RASA2: variants seen among roughly 807,000 people sequenced by gnomAD.
The protein encoded by RASA2 is RAS p21 protein activator 2.
In RASA2, 155 loss-of-function variants were observed where a neutral mutation model predicts 118.2. The observed-to-expected ratio is 1.31, with a 90% CI of 1.15 to 1.50. The LOEUF is 1.50. Among genes scored for constraint, RASA2 ranks in the 40% most tolerant of loss-of-function variants. The pLI is 0.00. For synonymous variants in RASA2, 353 were observed against 349.1 expected (o/e 1.01, Z -0.12); for missense variants, 1,016 against 1,009.6 (o/e 1.01, Z -0.09).
intron 4 of RASA2, among the ~76,000 whole-genome samples, chr3:141,536,654 A>T (rs887219127): frequency 6.6e-6 from 1 of 152,196 alleles, no homozygotes; most frequent in Non-Finnish European, 1.5e-5. Context: ...ACATACATGA[A>T]AAGTATACTG....
rs568261777 is a variant in RASA2 at position 141,565,597 on chromosome 3, C to T, written c.864-5315C>T. Among the ~76,000 whole-genome samples, 362 of 152,294 alleles carry T rather than the reference C, an allele frequency of 2.4e-3. 3 individuals are homozygous for T. Among genetic ancestry groups the T allele is most frequent in the African/African-American group, 8.2e-3 (339 of 41,556 alleles). ...TGATGGTTTTATAAATGGGAGTTCT[C>T]CTGCACAAGCTCTCTTGCCTGCCGC... On this transcript the variant is annotated intron_variant, in intron 9 of 23. Coordinates refer to ENST00000286364, the MANE Select transcript of RASA2 (RefSeq NM_006506.5).
chr3:141,541,289 T>C (rs1053640644), intron 5 of RASA2, among the ~76,000 whole-genome samples: 29 of 152,186 alleles, frequency 1.9e-4, no homozygotes, highest in African/African-American at 7.0e-4. Flanking sequence ...GTCCACATAT[T>C]GTAAGGTCAG....
chr3:141,596,633 CGATA>C (rs1474006539), intron 19 of RASA2, among the ~76,000 whole-genome samples: 2 of 151,880 alleles, frequency 1.3e-5, no homozygotes, highest in Non-Finnish European at 2.9e-5. Flanking sequence ...AAAAAGAGGA[CGATA>C]GATATGAACA....
intron 19 of RASA2, among the ~76,000 whole-genome samples, chr3:141,604,053 AC>A (rs1469487472): frequency 8.5e-5 from 13 of 152,200 alleles, no homozygotes; most frequent in Non-Finnish European, 1.2e-4. Flanking sequence ...ACATTCATTT[AC>A]AAGTTTTTGT....
chr3:141,487,092 GGC>G lies in RASA2; in HGVS notation c.11_12del (p.Ala4GlyfsTer42). On this transcript the variant is annotated frameshift_variant, in exon 1 of 24. Coordinates refer to ENST00000286364, the MANE Select transcript of RASA2 (RefSeq NM_006506.5). LOFTEE classifies it high-confidence loss of function. Reference sequence around the variant, plus strand: ...ACGGGCCGGGCGGCACCATGGCGGCGGCGGCGCCTGCTGCTGCGGCGGCTTCT... The same window carrying G: ...ACGGGCCGGGCGGCACCATGGCGGCGGGCGCCTGCTGCTGCGGCGGCTTCT... MAA[A>X]APAAAAASSE... 1 of 1,373,538 alleles carries G rather than the reference GGC, an allele frequency of 7.3e-7. No homozygotes were observed. The highest frequency in any genetic ancestry group is 9.5e-7 in the Non-Finnish European group (1 of 1,050,350). The allele number at this position is 1,373,538 out of a possible 1,614,324, so 85.1% of individuals were successfully genotyped here.
chr3:141,582,816 G>A (rs1395026572), intron 17 of RASA2, among the ~76,000 whole-genome samples: 1 of 152,222 alleles, frequency 6.6e-6, no homozygotes, highest in Non-Finnish European at 1.5e-5. Context: ...ACTCTGCCTA[G>A]TGACATTTAC....
intron 1 of RASA2, among the ~76,000 whole-genome samples, chr3:141,494,390 C>T (rs1376031821): frequency 6.6e-6 from 1 of 152,208 alleles, no homozygotes; most frequent in African/African-American, 2.4e-5. Flanking sequence ...TTTTAATTTG[C>T]ACTTTTAAAT....
At position 141,529,112 on chromosome 3, in the gene RASA2, A is replaced by C. The variant is rs76125121; in HGVS notation, c.356-596A>C. 5.4e-4 allele frequency among the ~76,000 whole-genome samples: 82 copies of C among 152,060 alleles called. 1 individual carries two copies. Among genetic ancestry groups the C allele is most frequent in the Non-Finnish European group, 1.6e-4 (11 of 67,912 alleles). Reference sequence around the variant, plus strand: ...TGAGAGGGTTTAAACTCTTTAGAGAACTGCCTTAATTTTTGTATGTATTGG... The same window carrying C: ...TGAGAGGGTTTAAACTCTTTAGAGACCTGCCTTAATTTTTGTATGTATTGG... On this transcript the variant is annotated intron_variant, in intron 3 of 23. Coordinates refer to ENST00000286364, the MANE Select transcript of RASA2 (RefSeq NM_006506.5).
At chr3:141,514,240 T>C (rs972705401) in intron 2 of RASA2, among the ~76,000 whole-genome samples, 1 of 152,132 alleles carries the variant, frequency 6.6e-6, no homozygotes, top group Non-Finnish European at 1.5e-5. Flanking sequence ...ATTTAAAATA[T>C]GGGGAGAATA....
chr3:141,571,288 A>G (rs1327869986), intron 10 of RASA2, 118 bp from the exon 11 acceptor site: 3 of 1,422,348 alleles, frequency 2.1e-6, no homozygotes, highest in Admixed American at 4.8e-5. Context: ...TTCGAAAATT[A>G]AATGTCCTGT....
At chr3:141,566,916 T>A (rs2082828388) in intron 9 of RASA2, among the ~76,000 whole-genome samples, 1 of 152,172 alleles carries the variant, frequency 6.6e-6, no homozygotes, top group Non-Finnish European at 1.5e-5. Flanking sequence ...ACTAAGCCCA[T>A]GTGCCCTATT....
intron 1 of RASA2, 99 bp downstream of exon 1, chr3:141,487,315 G>T (rs1490709302): frequency 1.7e-6 from 2 of 1,182,846 alleles, no homozygotes; most frequent in Non-Finnish European, 2.1e-6. Flanking sequence ...GCTGCGCTGG[G>T]ATCGCGGGCC....
At chr3:141,605,433 T>A (rs974875361) in intron 19 of RASA2, among the ~76,000 whole-genome samples, 10 of 152,184 alleles carry the variant, frequency 6.6e-5, no homozygotes. Context: ...AACTGTGAAA[T>A]TAACCCTAAT....
At chr3:141,570,202 G>A (rs2082895265) in intron 9 of RASA2, among the ~76,000 whole-genome samples, 1 of 146,792 alleles carries the variant, frequency 6.8e-6, no homozygotes, top group South Asian at 2.1e-4. Context: ...TACGCATTCT[G>A]ATATGTCTTA....
At chr3:141,557,383 A>G (rs2082665652) in intron 7 of RASA2, among the ~76,000 whole-genome samples, 1 of 152,210 alleles carries the variant, frequency 6.6e-6, no homozygotes. Flanking sequence ...TGGATTTTCT[A>G]AGATTGAGGA....
chr3:141,503,837 C>T (rs944003557), intron 1 of RASA2, among the ~76,000 whole-genome samples: 3 of 152,138 alleles, frequency 2.0e-5, no homozygotes, highest in Non-Finnish European at 2.9e-5. Context: ...GGTTTATTTT[C>T]AAAACGTCTC....
chr3:141,538,351 T>G (rs999243909), intron 4 of RASA2, among the ~76,000 whole-genome samples: 5 of 152,188 alleles, frequency 3.3e-5, no homozygotes, highest in African/African-American at 1.2e-4. Context: ...GTATATACTT[T>G]TAAAATCTGA....
At chr3:141,489,758 C>T (rs966264119) in intron 1 of RASA2, among the ~76,000 whole-genome samples, 1 of 152,120 alleles carries the variant, frequency 6.6e-6, no homozygotes, top group Non-Finnish European at 1.5e-5. Context: ...AGTCCATAAC[C>T]TTCTTTAGGG....
chr3:141,526,386 T>C (rs79936528), intron 3 of RASA2, among the ~76,000 whole-genome samples: 10,762 of 151,740 alleles, frequency 0.071, 738 homozygotes, highest in East Asian at 0.24. Context: ...TCTTTCCCCA[T>C]CCTCTCTTCT....
Sources: allele counts gnomAD v4.1 joint callset (sites outside exome capture counted in the v4.1 genomes callset), GRCh38; gene constraint gnomAD v4.1.1; transcripts MANE v1.5; gene names NCBI Gene and HGNC (gene_info 2026-07-23, HGNC 2026-07-21).